PCNX4: variants seen among roughly 807,000 people sequenced by gnomAD.
PCNX4 encodes the protein pecanex 4, also known as pecanex-like protein 4.
A neutral mutation model predicts 107.2 loss-of-function variants in PCNX4; 103 were observed. The observed-to-expected ratio is 0.96, with a 90% CI of 0.82 to 1.13. The LOEUF is 1.13. PCNX4 is among the 50% of genes most tolerant of loss of function. PCNX4 has a pLI of 0.00. For missense variants in PCNX4, 1,528 were observed against 1,379.4 expected (o/e 1.11, Z -1.71); for synonymous variants, 541 against 481.7 (o/e 1.12, Z -1.61).
At chr14:60,115,685 T>G in intron 4 of PCNX4, 34 bp from the exon 5 acceptor site, 1 of 1,564,856 alleles carries the variant, frequency 6.4e-7, no homozygotes, top group Non-Finnish European at 8.8e-7. Flanking sequence ...CTATTTTGCC[T>G]TAATTAAATT....
chr14:60,108,330 A>T lies in PCNX4; in HGVS notation c.689+3A>T, dbSNP rs1232609540. 12 of 1,586,562 alleles carry T rather than the reference A, an allele frequency of 7.6e-6. No homozygotes were observed. Among genetic ancestry groups the T allele is most frequent in the Non-Finnish European group, 1.0e-5 (12 of 1,164,634 alleles). Reference sequence around the variant, plus strand: ...GTTTCTGTGGATCTGGCACACAGGTAAAAACCTACCAAATACTTTGTAACT... The same window carrying T: ...GTTTCTGTGGATCTGGCACACAGGTTAAAACCTACCAAATACTTTGTAACT... On this transcript the variant is annotated splice_donor_region_variant and intron_variant, in intron 2 of 10. Coordinates refer to ENST00000406854, the MANE Select transcript of PCNX4 (RefSeq NM_001330177.2).
chr14:60,110,836 A>G (rs1053047673), intron 2 of PCNX4: 2 of 167,072 alleles, frequency 1.2e-5, no homozygotes, highest in Non-Finnish European at 1.5e-5. Flanking sequence ...TTGAGGGGCC[A>G]GGGATGGAAT....
rs1186034171 is a variant in PCNX4, at chr14:60,138,796, A to AT, written c.*4575_*4576insT. 1.3e-5 allele frequency: 2 copies of AT among 152,088 alleles called. No individual in the cohort carries two copies. Among genetic ancestry groups the AT allele is most frequent in the Non-Finnish European group, 2.9e-5 (2 of 67,986 alleles). 9.4% of individuals were successfully genotyped at this position (152,088 alleles called of 1,614,324 possible). A position where few individuals can be genotyped will look rare whatever the true frequency, so the allele number is the denominator to read the frequency against. ...AGGTAGGAATGAACAGTAATTTAAA[A>AT]ATATATATATACAGTTTAAGTGAAT... On this transcript the variant is annotated 3_prime_UTR_variant, in exon 11 of 11. Transcript: ENST00000406854.
chr14:60,144,870 CA>C lies in PCNX4; in HGVS notation c.*10652del. The stretch of plus-strand genomic sequence containing the variant: ...TCATATCTATTAAAAAGTAAAATCA[CA>C]AATTAGTCTTTGATTATTCAGAAGC... On this transcript the variant is annotated 3_prime_UTR_variant, in exon 11 of 11. Transcript: ENST00000406854. 1 of 1,056,688 alleles carries C rather than the reference CA, an allele frequency of 9.5e-7. No individual in the cohort carries two copies. Among genetic ancestry groups the C allele is most frequent in the Non-Finnish European group, 1.4e-6 (1 of 691,518 alleles). 65.5% of individuals were successfully genotyped at this position (1,056,688 alleles called of 1,614,324 possible). A position where few individuals can be genotyped will look rare whatever the true frequency, so the allele number is the denominator to read the frequency against.
intron 1 of PCNX4, among the ~76,000 whole-genome samples, chr14:60,104,116 C>T (rs1895584810): frequency 6.6e-6 from 1 of 151,922 alleles, no homozygotes; most frequent in Admixed American, 6.6e-5. Context: ...GTCAGGAGTT[C>T]AAGACCAGCC....
chr14:60,126,692 C>T (rs963257551), intron 10 of PCNX4, among the ~76,000 whole-genome samples: 3 of 152,156 alleles, frequency 2.0e-5, no homozygotes, highest in African/African-American at 4.8e-5. Flanking sequence ...AGGAGTTCAA[C>T]GTTTTTAATC....
At position 60,093,238 on chromosome 14, in the gene PCNX4, C is replaced by T. The variant is rs561419044; in HGVS notation, c.-54+819C>T. ...AAGAGCTTTATTGAGATGTAATTTA[C>T]ATTCAATACAATTCACCCATTTATA... On this transcript the variant is annotated intron_variant, in intron 1 of 10. Transcript: ENST00000406854. Among the ~76,000 whole-genome samples, 6 of 152,242 alleles carry T rather than the reference C, an allele frequency of 3.9e-5. No homozygotes were observed. The East Asian group carries it at 1.2e-3, about 29-fold the overall frequency.
chr14:60,142,173 A>G lies in PCNX4; in HGVS notation c.*7952A>G, dbSNP rs1896314579. On this transcript the variant is annotated 3_prime_UTR_variant, in exon 11 of 11. Coordinates refer to ENST00000406854, the MANE Select transcript of PCNX4 (RefSeq NM_001330177.2). The surrounding 1 kb of genome is among the most constrained non-coding windows in gnomAD (Gnocchi z 4.7). ...TGTGTTTACTCTCTTGATTGTGGTT[A>G]TGGTTCACAAGTGTAGCCATATGGC... 6.6e-6 allele frequency: 1 copy of G among 152,212 alleles called. No individual in the cohort carries two copies. The highest frequency in any genetic ancestry group is 2.4e-5 in the African/African-American group (1 of 41,472). 9.4% of individuals were successfully genotyped at this position (152,212 alleles called of 1,614,324 possible).
Position 60,143,303 on chromosome 14 carries a change from T to A in PCNX4, c.*9082T>A, listed in dbSNP as rs1040683678. The stretch of plus-strand genomic sequence containing the variant: ...CTGTACCAGGCCACATGACATATGT[T>A]ATTTTGTGGCATTCTAGAATTATTC... On this transcript the variant is annotated 3_prime_UTR_variant, in exon 11 of 11. Transcript: ENST00000406854. 6.6e-6 allele frequency: 1 copy of A among 152,232 alleles called. No homozygotes were observed. Among genetic ancestry groups the A allele is most frequent in the Non-Finnish European group, 1.5e-5 (1 of 68,042 alleles). The allele number at this position is 152,232 out of a possible 1,614,324, so 9.4% of individuals were successfully genotyped here.
chr14:60,097,594 G>A (rs924421203), intron 1 of PCNX4, among the ~76,000 whole-genome samples: 27 of 152,206 alleles, frequency 1.8e-4, no homozygotes, highest in African/African-American at 6.5e-4. Context: ...ATTAGGTAGG[G>A]AATGTTGTTT....
intron 10 of PCNX4, 162 bp from the exon 11 acceptor site, chr14:60,133,808 G>A: frequency 1.4e-6 from 1 of 706,942 alleles, no homozygotes. Flanking sequence ...TCTGAATACA[G>A]GCAACTTGTG....
intron 2 of PCNX4, chr14:60,111,289 C>T (rs936008518): frequency 6.6e-6 from 1 of 152,124 alleles, no homozygotes; most frequent in African/African-American, 2.4e-5. Flanking sequence ...CTTTTAGTCT[C>T]TTCTAGTTAC....
In PCNX4 at chr14:60,118,444, T is replaced by C. The variant is rs1183628252; in HGVS notation, c.1694T>C (p.Leu565Ser). The C allele has an allele frequency of 6.2e-7, 1 of 1,613,754 alleles. No homozygotes were observed. The highest frequency in any genetic ancestry group is 8.5e-7 in the Non-Finnish European group (1 of 1,179,796). ...CAACGTCGAAAAACAACTGCCACTT[T>C]ATGTATACTCAACATTGTCTTTTCT... ...KKQRRKTTAT[L>S]CILNIVFSPF... is the part of the protein sequence containing the mutation. Residue 565 changes from leucine to serine, a missense_variant, in exon 7 of 11, where the codon TTA becomes TCA. By Grantham distance (145) the Leu-to-Ser change is moderately radical (BLOSUM62 -2). Transcript: ENST00000406854.
rs1222045853 is a variant in PCNX4, at chr14:60,147,724, A to T, written c.*13503A>T. On this transcript the variant is annotated 3_prime_UTR_variant, in exon 11 of 11. Coordinates refer to ENST00000406854, the MANE Select transcript of PCNX4 (RefSeq NM_001330177.2). ...ATTAATCTCCATCTTATATTAATAG[A>T]TGGGGAGACTGAGTGATAGAGAAGT... The T allele has an allele frequency of 6.6e-6, 1 of 152,148 alleles. No individual in the cohort carries two copies. Among genetic ancestry groups the T allele is most frequent in the Admixed American group, 6.5e-5 (1 of 15,276 alleles). 9.4% of individuals were successfully genotyped at this position (152,148 alleles called of 1,614,324 possible). A position where few individuals can be genotyped will look rare whatever the true frequency, so the allele number is the denominator to read the frequency against.
chr14:60,108,339 C>T lies in PCNX4; in HGVS notation c.689+12C>T. On this transcript the variant is annotated intron_variant, in intron 2 of 10. Coordinates refer to ENST00000406854, the MANE Select transcript of PCNX4 (RefSeq NM_001330177.2). ...GATCTGGCACACAGGTAAAAACCTA[C>T]CAAATACTTTGTAACTAACTTTGTT... 1 of 1,560,674 alleles carries T rather than the reference C, an allele frequency of 6.4e-7. No homozygotes were observed. Among genetic ancestry groups the T allele is most frequent in the Non-Finnish European group, 8.7e-7 (1 of 1,149,724 alleles).
In PCNX4 at chr14:60,108,139, T is replaced by C; in HGVS notation, c.501T>C (p.Tyr167=). 6.2e-7 allele frequency: 1 copy of C among 1,612,888 alleles called. No homozygotes were observed. The highest frequency in any genetic ancestry group is 8.5e-7 in the Non-Finnish European group (1 of 1,179,880). ...TCCCAAATAGAATAACCTTGCTGTATGGCAGTACAGGAGGCACTGCTCTAC... is the reference window on the plus strand; with the variant it reads ...TCCCAAATAGAATAACCTTGCTGTACGGCAGTACAGGAGGCACTGCTCTAC... ...YLLPNRITLL[Y]GSTGGTALLF... Residue 167 remains tyrosine, a synonymous_variant, in exon 2 of 11, where the codon TAT becomes TAC. Coordinates refer to ENST00000406854, the MANE Select transcript of PCNX4 (RefSeq NM_001330177.2).
intron 2 of PCNX4, among the ~76,000 whole-genome samples, chr14:60,111,769 T>A (rs1895744841): frequency 1.3e-5 from 2 of 152,204 alleles, no homozygotes; most frequent in Admixed American, 1.3e-4. Context: ...AGTTTTAATG[T>A]TTAAGATTTG....
At chr14:60,100,697 C>T (rs1377808798) in intron 1 of PCNX4, among the ~76,000 whole-genome samples, 1 of 152,206 alleles carries the variant, frequency 6.6e-6, no homozygotes, top group Admixed American at 6.5e-5. Flanking sequence ...TCTAAGGGGC[C>T]TAGAGAGTCA....
chr14:60,102,338 TACA>T (rs1219251845), intron 1 of PCNX4, among the ~76,000 whole-genome samples: 1 of 132,758 alleles, frequency 7.5e-6, no homozygotes, highest in Non-Finnish European at 1.7e-5. Context: ...CTTCAATCAC[TACA>T]ACATCTCAAA....
Sources: gnomAD v4.1 joint callset for allele counts (sites outside exome capture counted in the v4.1 genomes callset) on GRCh38, gnomAD v4.1.1 for gene constraint, Gnocchi (gnomAD v3.1) non-coding constraint, MANE v1.5 for transcripts, NCBI Gene and HGNC (gene_info 2026-07-23, HGNC 2026-07-21) for gene names.